Variants in TMEM232 observed in about 807,000 individuals in gnomAD.
TMEM232 encodes transmembrane protein 232.
Under a neutral mutation model 78.8 loss-of-function variants are expected in TMEM232, and 80 were observed. The observed-to-expected ratio is 1.01, with a 90% CI of 0.85 to 1.22. The LOEUF (loss-of-function observed/expected upper bound fraction) is 1.22, where lower values mean the gene tolerates loss of function less well. Among genes scored for constraint, TMEM232 ranks in the 50% most tolerant of loss-of-function variants. The probability of loss-of-function intolerance (pLI) is 0.00; values close to 1 mark genes in which losing one functional copy is unlikely to be tolerated. For missense variants in TMEM232, 881 were observed against 742.2 expected, an observed-to-expected ratio of 1.19 and a Z score of -2.17; for synonymous variants, 297 against 254.3, an observed-to-expected ratio of 1.17 and a Z score of -1.60.
intron 10 of TMEM232, among the ~76,000 whole-genome samples, chr5:110,570,694 C>T (rs1403399855): frequency 6.6e-6 from 1 of 151,904 alleles, no homozygotes; most frequent in African/African-American, 2.4e-5. Flanking sequence ...CTTCCTAGTT[C>T]TTTCATCTTC....
intron 10 of TMEM232, among the ~76,000 whole-genome samples, chr5:110,591,978 T>A (rs188272989): frequency 6.6e-6 from 1 of 152,290 alleles, no homozygotes; most frequent in African/African-American, 2.4e-5. Flanking sequence ...CCTGTGGAAC[T>A]GGGCTTTATT....
intron 10 of TMEM232, among the ~76,000 whole-genome samples, chr5:110,602,366 A>T (rs1781021573): frequency 6.6e-6 from 1 of 152,204 alleles, no homozygotes; most frequent in Non-Finnish European, 1.5e-5. Context: ...GGCAACCTAC[A>T]GAATGGAAGA....
At chr5:110,653,956 G>GA (rs1232411137) in intron 2 of TMEM232, among the ~76,000 whole-genome samples, 1 of 151,956 alleles carries the variant, frequency 6.6e-6, no homozygotes, top group African/African-American at 2.4e-5. Flanking sequence ...AGAATACTAA[G>GA]AAAAAAATAA....
intron 2 of TMEM232, among the ~76,000 whole-genome samples, chr5:110,656,404 T>C (rs922455432): frequency 1.3e-5 from 2 of 152,202 alleles, no homozygotes; most frequent in Non-Finnish European, 1.5e-5. Flanking sequence ...ATCCTTATGT[T>C]AATTTTTTTT....
downstream of TMEM232, among the ~76,000 whole-genome samples, chr5:110,417,090 C>G (rs941467725): frequency 6.6e-6 from 1 of 152,080 alleles, no homozygotes; most frequent in Non-Finnish European, 1.5e-5. Context: ...TAAGAGAAAC[C>G]TATGGAAACT....
intron 12 of TMEM232, among the ~76,000 whole-genome samples, chr5:110,510,885 G>C (rs1767643266): frequency 1.3e-5 from 2 of 152,190 alleles, no homozygotes; most frequent in African/African-American, 2.4e-5. Context: ...AGACAGTGTG[G>C]AGATTCCTCA....
Position 110,499,634 on chromosome 5 carries a change from CCCA to C in TMEM232, c.1703+28951_1703+28953del, listed in dbSNP as rs1429417208. On this transcript the variant is annotated intron_variant, in intron 12 of 13. Coordinates refer to ENST00000455884, the MANE Select transcript of TMEM232 (RefSeq NM_001039763.4). ...GGAAAAATATATGTATACACCCCCC[CCCA>C]CACACACACATATATATATATATAA... Among the ~76,000 whole-genome samples the C allele has an allele frequency of 3.0e-5, 4 of 131,572 alleles. 1 individual carries two copies. The highest frequency in any genetic ancestry group is 1.4e-4 in the African/African-American group (4 of 29,038). The allele number at this position is 131,572 out of a possible 152,430, so 86.3% of individuals were successfully genotyped here. A position where few individuals can be genotyped will look rare whatever the true frequency, so the allele number is the denominator to read the frequency against.
intron 11 of TMEM232, among the ~76,000 whole-genome samples, chr5:110,542,737 G>A (rs1393587191): frequency 2.0e-5 from 3 of 152,018 alleles, no homozygotes; most frequent in African/African-American, 4.8e-5. Context: ...AAATCAAAAG[G>A]AAAACCCCAA....
chr5:110,642,488 TAA>T, intron 2 of TMEM232, 117 bp from the exon 3 acceptor site: 1 of 681,242 alleles, frequency 1.5e-6, no homozygotes, highest in Non-Finnish European at 2.3e-6. Flanking sequence ...ACTTTCTTAA[TAA>T]AACTGTTTCA....
intron 12 of TMEM232, among the ~76,000 whole-genome samples, chr5:110,480,148 TG>T (rs1412499115): frequency 6.6e-6 from 1 of 151,844 alleles, no homozygotes; most frequent in Non-Finnish European, 1.5e-5. Flanking sequence ...GGAAAGCTAA[TG>T]TTAAGTAAGC....
chr5:110,640,527 T>C (rs1786530191), intron 4 of TMEM232, among the ~76,000 whole-genome samples: 2 of 152,122 alleles, frequency 1.3e-5, no homozygotes, highest in Admixed American at 1.3e-4. Context: ...GGTCATTTGA[T>C]TAATGTTTTA....
chr5:110,666,239 G>C (rs1790573232), intron 2 of TMEM232, among the ~76,000 whole-genome samples: 1 of 152,046 alleles, frequency 6.6e-6, no homozygotes, highest in Non-Finnish European at 1.5e-5. Context: ...GGCTGAAAAA[G>C]ATTATACTCC....
chr5:110,645,573 T>C (rs1440347781), intron 2 of TMEM232, among the ~76,000 whole-genome samples: 3 of 151,420 alleles, frequency 2.0e-5, no homozygotes, highest in Non-Finnish European at 4.4e-5. Context: ...TCAATTTACT[T>C]TACAGAATAA....
intron 12 of TMEM232, among the ~76,000 whole-genome samples, chr5:110,462,787 C>T (rs1167770393): frequency 6.6e-6 from 1 of 152,098 alleles, no homozygotes; most frequent in Non-Finnish European, 1.5e-5. Context: ...TACCCTAATA[C>T]AATTACAGTG....
At position 110,620,858 on chromosome 5, in the gene TMEM232, CTTTTT is replaced by C. The variant is rs558332663; in HGVS notation, c.769-2301_769-2297del. ...TCAGGAATTTTATGTATTTCAAGCGCTTTTTTTTTTTTTTTTTTTTTTGAGACAGA... is the reference window on the plus strand; with the variant it reads ...TCAGGAATTTTATGTATTTCAAGCGCTTTTTTTTTTTTTTTTTGAGACAGA... On this transcript the variant is annotated intron_variant, in intron 7 of 13. Coordinates refer to ENST00000455884, the MANE Select transcript of TMEM232 (RefSeq NM_001039763.4). Among the ~76,000 whole-genome samples the C allele has an allele frequency of 3.4e-5, 3 of 87,450 alleles. 1 individual carries two copies. Among genetic ancestry groups the C allele is most frequent in the Middle Eastern group, 6.7e-3 (1 of 150 alleles). The allele number at this position is 87,450 out of a possible 152,430, so 57.4% of individuals were successfully genotyped here. A position where few individuals can be genotyped will look rare whatever the true frequency, so the allele number is the denominator to read the frequency against.
rs1023135870 is a variant in TMEM232, at chr5:110,420,715, T to C, written c.1839A>G (p.Ile613Met). 7 of 1,525,916 alleles carry C rather than the reference T, an allele frequency of 4.6e-6. No individual in the cohort carries two copies. The highest frequency in any genetic ancestry group is 6.1e-6 in the Non-Finnish European group (7 of 1,144,118). 94.5% of individuals were successfully genotyped at this position (1,525,916 alleles called of 1,614,324 possible). Residue 613 changes from isoleucine (I) to methionine (M), a missense_variant, in exon 14 of 14, where the codon ATA becomes ATG. Physicochemically the swap from Ile to Met is conservative, Grantham distance 10 (BLOSUM62 1). Coordinates refer to ENST00000455884, the MANE Select transcript of TMEM232 (RefSeq NM_001039763.4). ...ELKIREKEDA[I>M]CKAQELKDKK... is the part of the protein sequence containing the mutation. ...TATCTTTAAGTTCTTGGGCCTTGCATATTGCATCTTCTTTTTCTCGGATCT... is the reference window on the plus strand; with the variant it reads ...TATCTTTAAGTTCTTGGGCCTTGCACATTGCATCTTCTTTTTCTCGGATCT...
chr5:110,715,240 A>T (rs2150327043), intron 1 of TMEM232, among the ~76,000 whole-genome samples: 1 of 152,282 alleles, frequency 6.6e-6, no homozygotes, highest in Admixed American at 6.5e-5. Context: ...TTCATGAAGG[A>T]GCGAAGGAAT....
intron 2 of TMEM232, 28 bp downstream of exon 2, chr5:110,667,200 T>C (rs572616591): frequency 6.6e-7 from 1 of 1,509,830 alleles, no homozygotes; most frequent in Non-Finnish European, 8.9e-7. Flanking sequence ...ACAATACATA[T>C]GGGTCCTATA....
chr5:110,466,366 T>A (rs1339140214), intron 12 of TMEM232, among the ~76,000 whole-genome samples: 2 of 152,216 alleles, frequency 1.3e-5, no homozygotes, highest in Non-Finnish European at 2.9e-5. Flanking sequence ...ATTATTTTTT[T>A]AAAAGTTTGC....
Sources: gnomAD v4.1 joint callset for allele counts (sites outside exome capture counted in the v4.1 genomes callset) on GRCh38, gnomAD v4.1.1 for gene constraint, MANE v1.5 for transcripts, NCBI Gene and HGNC (gene_info 2026-07-23, HGNC 2026-07-21) for gene names.